Variants in UNC5C observed in about 807,000 individuals in gnomAD.
UNC5C encodes the protein unc-5 netrin receptor C, also known as netrin receptor UNC5C.
Under a neutral mutation model 99.8 loss-of-function variants are expected in UNC5C, and 47 were observed. The observed-to-expected ratio is 0.47, with a 90% CI of 0.37 to 0.60. The LOEUF is 0.60. UNC5C is among the 20% of genes least tolerant of loss of function. UNC5C has a pLI of 0.00. For synonymous variants in UNC5C, 487 were observed against 452.2 expected, an observed-to-expected ratio of 1.08 and a Z score of -0.98; for missense variants, 1,062 against 1,165.9, an observed-to-expected ratio of 0.91 and a Z score of 1.30.
intron 1 of UNC5C, among the ~76,000 whole-genome samples, chr4:95,530,625 A>G (rs1722616517): frequency 6.6e-6 from 1 of 152,218 alleles, no homozygotes; most frequent in Admixed American, 6.5e-5. Flanking sequence ...CACTATCAAA[A>G]TAACAACGCT....
chr4:95,515,554 A>AT (rs1722189914), intron 1 of UNC5C, among the ~76,000 whole-genome samples: 1 of 152,216 alleles, frequency 6.6e-6, no homozygotes, highest in African/African-American at 2.4e-5. Flanking sequence ...AAAATGGATA[A>AT]TTGAAAGCAT....
chr4:95,353,597 G>A (rs1744065430), intron 1 of UNC5C, among the ~76,000 whole-genome samples: 2 of 151,872 alleles, frequency 1.3e-5, no homozygotes, highest in South Asian at 4.1e-4. Context: ...GGCTAAGATA[G>A]TGAAGGAGAC....
At chr4:95,519,718 C>A (rs568586800) in intron 1 of UNC5C, among the ~76,000 whole-genome samples, 9 of 152,158 alleles carry the variant, frequency 5.9e-5, no homozygotes, top group African/African-American at 2.2e-4. Flanking sequence ...TTTTAATTGC[C>A]CAGTGTGCAT....
At chr4:95,354,481 T>TATATATATATATATA (rs1274789806) in intron 1 of UNC5C, among the ~76,000 whole-genome samples, 4,605 of 99,218 alleles carry the variant, frequency 0.046, 115 homozygotes, top group Middle Eastern at 0.088. Flanking sequence ...ATATATATAT[T>TATATATATATATATA]TTTTTTTTTT....
chr4:95,336,863 G>A (rs1197852657), intron 1 of UNC5C, among the ~76,000 whole-genome samples: 2 of 151,616 alleles, frequency 1.3e-5, no homozygotes, highest in African/African-American at 2.4e-5. Context: ...CTTTTGGCAG[G>A]GCATCATTTC....
chr4:95,459,225 G>A (rs754521371), intron 1 of UNC5C, among the ~76,000 whole-genome samples: 29 of 152,116 alleles, frequency 1.9e-4, no homozygotes, highest in African/African-American at 3.4e-4. Flanking sequence ...ATTGCTCATC[G>A]CTTCCTATGT....
At chr4:95,396,144 A>G (rs1745502065) in intron 1 of UNC5C, among the ~76,000 whole-genome samples, 2 of 152,224 alleles carry the variant, frequency 1.3e-5, no homozygotes, top group Non-Finnish European at 2.9e-5. Flanking sequence ...GTCTTTAGCA[A>G]CTTCAGAAGC....
intron 1 of UNC5C, among the ~76,000 whole-genome samples, chr4:95,416,473 G>GT (rs1275832494): frequency 6.6e-6 from 1 of 152,072 alleles, no homozygotes; most frequent in African/African-American, 2.4e-5. Context: ...GGGGAGAAGG[G>GT]TGCGGGTATG....
At position 95,185,187 on chromosome 4, in the gene UNC5C, G is replaced by A; in HGVS notation, c.2146C>T (p.His716Tyr). The A allele has an allele frequency of 6.2e-7, 1 of 1,606,620 alleles. No individual in the cohort carries two copies. The highest frequency in any genetic ancestry group is 8.5e-7 in the Non-Finnish European group (1 of 1,177,786). Residue 716 changes from histidine to tyrosine, a missense_variant, in exon 13 of 16, where the codon CAT becomes TAT. Transcript: ENST00000453304. ...DTQDALKEIL[H>Y]LERQMGGQLL... is the part of the protein sequence containing the mutation. The stretch of plus-strand genomic sequence containing the variant: ...TGTCCTCCCATCTGTCTCTCAAGAT[G>A]TAAAATTTCCTATAATGACATGCCC...
chr4:95,351,222 C>G (rs907107015), intron 1 of UNC5C, among the ~76,000 whole-genome samples: 1 of 152,054 alleles, frequency 6.6e-6, no homozygotes, highest in East Asian at 1.9e-4. Flanking sequence ...ACTTTTCTTC[C>G]CCATGAGATG....
chr4:95,235,667 G>A (rs866370650), intron 7 of UNC5C, among the ~76,000 whole-genome samples: 3 of 152,308 alleles, frequency 2.0e-5, no homozygotes, highest in East Asian at 1.9e-4. Context: ...TGTATAAGGT[G>A]TAAGGAAGGG....
At position 95,459,786 on chromosome 4, in the gene UNC5C, C is replaced by T. The variant is rs1264982561; in HGVS notation, c.124+88948G>A. Among the ~76,000 whole-genome samples the T allele has an allele frequency of 2.6e-5, 4 of 152,106 alleles. No homozygotes were observed. In the East Asian group the frequency reaches 7.8e-4, roughly 30 times the overall value. Reference sequence around the variant, plus strand: ...CCCAGAATGGCCTAAAAGAATTTCCCTAAAAGGCTCTCATTATAGAATAGC... The same window carrying T: ...CCCAGAATGGCCTAAAAGAATTTCCTTAAAAGGCTCTCATTATAGAATAGC... On this transcript the variant is annotated intron_variant, in intron 1 of 15. Coordinates refer to ENST00000453304, the MANE Select transcript of UNC5C (RefSeq NM_003728.4).
At chr4:95,355,860 T>G (rs1744164392) in intron 1 of UNC5C, among the ~76,000 whole-genome samples, 1 of 152,242 alleles carries the variant, frequency 6.6e-6, no homozygotes, top group African/African-American at 2.4e-5. Context: ...TTTACTACTT[T>G]TAATAAACAA....
At chr4:95,542,387 C>T (rs181515275) in intron 1 of UNC5C, among the ~76,000 whole-genome samples, 3 of 152,154 alleles carry the variant, frequency 2.0e-5, no homozygotes, top group African/African-American at 7.2e-5. Context: ...TGAATCACTG[C>T]TCATTGCTAA....
chr4:95,488,172 G>C (rs1305927391), intron 1 of UNC5C, among the ~76,000 whole-genome samples: 1 of 151,622 alleles, frequency 6.6e-6, no homozygotes, highest in Non-Finnish European at 1.5e-5. Context: ...TAACCATTGA[G>C]TCAATAGCAG....
intron 1 of UNC5C, among the ~76,000 whole-genome samples, chr4:95,452,453 A>C (rs567149563): frequency 5.3e-5 from 8 of 152,250 alleles, no homozygotes; most frequent in African/African-American, 1.9e-4. Context: ...GGAGGGTTTC[A>C]CCAGGGGACA....
intron 1 of UNC5C, among the ~76,000 whole-genome samples, chr4:95,376,238 G>GTA (rs1360465718): frequency 6.0e-5 from 9 of 150,374 alleles, no homozygotes; most frequent in Admixed American, 1.3e-4. Context: ...TTATGTGTAT[G>GTA]TATATATATA....
chr4:95,503,067 C>T (rs1215322967), intron 1 of UNC5C, among the ~76,000 whole-genome samples: 1 of 152,040 alleles, frequency 6.6e-6, no homozygotes, highest in African/African-American at 2.4e-5. Context: ...GAATGTGTCT[C>T]CCAAAATTCA....
At chr4:95,417,136 T>C (rs1746186541) in intron 1 of UNC5C, among the ~76,000 whole-genome samples, 1 of 152,196 alleles carries the variant, frequency 6.6e-6, no homozygotes, top group Non-Finnish European at 1.5e-5. Flanking sequence ...TATGCTTTTC[T>C]TGCTCTTACA....
Sources: allele counts gnomAD v4.1 joint callset (sites outside exome capture counted in the v4.1 genomes callset), GRCh38; gene constraint gnomAD v4.1.1; transcripts MANE v1.5; gene names NCBI Gene and HGNC (gene_info 2026-07-23, HGNC 2026-07-21).